POMK: variants seen among roughly 807,000 people sequenced by gnomAD.
POMK encodes the protein protein O-mannose kinase.
Under a neutral mutation model 23.0 loss-of-function variants are expected in POMK, and 19 were observed. The observed-to-expected ratio is 0.83, with a 90% CI of 0.58 to 1.21. The LOEUF is 1.21. Among genes scored for constraint, POMK ranks in the 50% most tolerant of loss-of-function variants. The pLI, the probability that POMK is intolerant of heterozygous loss-of-function variation, is 0.00. For missense variants in POMK, 410 were observed against 431.3 expected (o/e 0.95, Z 0.44); for synonymous variants, 173 against 171.6 (o/e 1.01, Z -0.06).
At chr8:43,108,590 G>A (rs1811589964) in intron 4 of POMK, among the ~76,000 whole-genome samples, 2 of 152,036 alleles carry the variant, frequency 1.3e-5, no homozygotes, top group South Asian at 4.2e-4. Context: ...TAAACAAAAA[G>A]GTTACTTCAG....
intron 4 of POMK, among the ~76,000 whole-genome samples, chr8:43,116,477 C>T (rs1053100225): frequency 3.9e-5 from 6 of 152,026 alleles, no homozygotes; most frequent in Non-Finnish European, 7.4e-5. Context: ...TTATGTTGCC[C>T]AGGCCGGTCT....
At chr8:43,109,762 C>G (rs1027028614) in intron 4 of POMK, among the ~76,000 whole-genome samples, 2 of 151,720 alleles carry the variant, frequency 1.3e-5, no homozygotes, top group Non-Finnish European at 2.9e-5. Flanking sequence ...AGGCTGGTCT[C>G]GAACTCTTGA....
intron 4 of POMK, among the ~76,000 whole-genome samples, chr8:43,113,023 A>C (rs1207945775): frequency 6.6e-6 from 1 of 152,206 alleles, no homozygotes; most frequent in Admixed American, 6.5e-5. Flanking sequence ...GAAAATAACC[A>C]GCTAACATCA....
intron 1 of POMK, among the ~76,000 whole-genome samples, chr8:43,094,331 C>A (rs1031624269): frequency 1.3e-5 from 2 of 152,162 alleles, no homozygotes; most frequent in Non-Finnish European, 2.9e-5. Flanking sequence ...GCTACTGGGT[C>A]CGGCAGAGGC....
At position 43,122,900 on chromosome 8, in the gene POMK, T is replaced by A; in HGVS notation, c.*23T>A. On this transcript the variant is annotated 3_prime_UTR_variant, in exon 5 of 5. Transcript: ENST00000331373. ...TGAAAACCAGTCCAGCCAATGAAGGTGGGATTGAAGGGCTGAATGGAAGTT... is the reference window on the plus strand; with the variant it reads ...TGAAAACCAGTCCAGCCAATGAAGGAGGGATTGAAGGGCTGAATGGAAGTT... 1.3e-6 allele frequency: 2 copies of A among 1,580,438 alleles called. No homozygotes were observed. Among genetic ancestry groups the A allele is most frequent in the East Asian group, 4.5e-5 (2 of 44,592 alleles).
intron 4 of POMK, among the ~76,000 whole-genome samples, chr8:43,113,493 A>G (rs1460383490): frequency 3.9e-5 from 6 of 152,174 alleles, no homozygotes; most frequent in African/African-American, 7.2e-5. Context: ...TGTATTGGTT[A>G]TTCTAGTTAT....
At chr8:43,114,596 G>A (rs576353001) in intron 4 of POMK, among the ~76,000 whole-genome samples, 57 of 152,328 alleles carry the variant, frequency 3.7e-4, no homozygotes, top group Middle Eastern at 3.4e-3. Context: ...GCTTCGGCTC[G>A]TGCACGGTGC....
rs186368784 is a variant in POMK at position 43,118,451 on chromosome 8, G to C, written c.283-3656G>C. Among the ~76,000 whole-genome samples the C allele has an allele frequency of 1.6e-4, 24 of 152,278 alleles. 1 individual carries two copies. Among genetic ancestry groups the C allele is most frequent in the Admixed American group, 1.6e-3 (24 of 15,298 alleles). On this transcript the variant is annotated intron_variant, in intron 4 of 4. Transcript: ENST00000331373. ...CCTTTGGGTCGGGAAGTAAAACTGG[G>C]GGCAGGGAGACATCCTGCCTATCCT...
rs1002962986 is a variant in POMK, at chr8:43,113,476, A to C, written c.283-8631A>C. Among the ~76,000 whole-genome samples the C allele has an allele frequency of 9.2e-5, 14 of 152,254 alleles. No homozygotes were observed. In the East Asian group the frequency reaches 2.5e-3, roughly 27 times the overall value. Reference sequence around the variant, plus strand: ...TTCAGCTCCATCAGCTCCTTTAAGCACTTCTCTGTATTGGTTATTCTAGTT... The same window carrying C: ...TTCAGCTCCATCAGCTCCTTTAAGCCCTTCTCTGTATTGGTTATTCTAGTT... On this transcript the variant is annotated intron_variant, in intron 4 of 4. Coordinates refer to ENST00000331373, the MANE Select transcript of POMK (RefSeq NM_032237.5).
chr8:43,099,188 C>T (rs1811391022), intron 2 of POMK, among the ~76,000 whole-genome samples: 1 of 152,318 alleles, frequency 6.6e-6, no homozygotes, highest in African/African-American at 2.4e-5. Flanking sequence ...TAGGCTCAAG[C>T]GATCCTCCCA....
chr8:43,123,016 A>ATGTAG lies in POMK; in HGVS notation c.*140_*141insGTAGT. On this transcript the variant is annotated 3_prime_UTR_variant, in exon 5 of 5. Transcript: ENST00000331373. ...CTTAGCCATGTGGTTCGTTGTCCACATCCACATGTACGTTTGTATGTAGTC... is the reference window on the plus strand; with the variant it reads ...CTTAGCCATGTGGTTCGTTGTCCACATGTAGTCCACATGTACGTTTGTATGTAGTC... 1 of 712,290 alleles carries ATGTAG rather than the reference A, an allele frequency of 1.4e-6. No homozygotes were observed. Among genetic ancestry groups the ATGTAG allele is most frequent in the Non-Finnish European group, 2.3e-6 (1 of 434,424 alleles). 44.1% of individuals were successfully genotyped at this position (712,290 alleles called of 1,614,324 possible). A position where few individuals can be genotyped will look rare whatever the true frequency, so the allele number is the denominator to read the frequency against.
intron 2 of POMK, among the ~76,000 whole-genome samples, chr8:43,101,269 T>A (rs1811434957): frequency 1.3e-5 from 2 of 151,136 alleles, no homozygotes; most frequent in Admixed American, 1.3e-4. Flanking sequence ...CAAAAAAAAA[T>A]ACAAAAATTA....
chr8:43,119,889 C>T (rs935974636), intron 4 of POMK, among the ~76,000 whole-genome samples: 8 of 150,778 alleles, frequency 5.3e-5, no homozygotes, highest in African/African-American at 1.5e-4. Flanking sequence ...CAGAAAAGAT[C>T]TTCATGGTCC....
intron 3 of POMK, 136 bp from the exon 4 acceptor site, chr8:43,103,392 G>C: frequency 1.3e-6 from 1 of 773,860 alleles, no homozygotes. Context: ...CCTGGTGTTC[G>C]ATACCTGCTT....
intron 4 of POMK, among the ~76,000 whole-genome samples, chr8:43,112,557 C>T (rs545774837): frequency 6.6e-6 from 1 of 152,202 alleles, no homozygotes; most frequent in South Asian, 2.1e-4. Context: ...TCAGGAAATA[C>T]AGAGAACGCC....
intron 4 of POMK, among the ~76,000 whole-genome samples, chr8:43,109,452 T>G (rs922673863): frequency 6.6e-6 from 1 of 152,234 alleles, no homozygotes; most frequent in African/African-American, 2.4e-5. Flanking sequence ...ATGTTTCCAT[T>G]AGTGTATTTT....
chr8:43,118,798 C>G (rs1390437219), intron 4 of POMK, among the ~76,000 whole-genome samples: 2 of 151,896 alleles, frequency 1.3e-5, no homozygotes, highest in Non-Finnish European at 2.9e-5. Context: ...GCCTCCCCAA[C>G]TTACTGTTTT....
At position 43,123,051 on chromosome 8, in the gene POMK, T is replaced by G. The variant is rs1811956795; in HGVS notation, c.*174T>G. The stretch of plus-strand genomic sequence containing the variant: ...ACGTTTGTATGTAGTCCACATTGGT[T>G]GTTAGATTTTTTTTTTTTTCTTTGA... On this transcript the variant is annotated 3_prime_UTR_variant, in exon 5 of 5. Coordinates refer to ENST00000331373, the MANE Select transcript of POMK (RefSeq NM_032237.5). 8.2e-6 allele frequency: 5 copies of G among 608,286 alleles called. No homozygotes were observed. The highest frequency in any genetic ancestry group is 8.5e-6 in the Non-Finnish European group (3 of 352,802). 37.7% of individuals were successfully genotyped at this position (608,286 alleles called of 1,614,324 possible). A position where few individuals can be genotyped will look rare whatever the true frequency, so the allele number is the denominator to read the frequency against.
At chr8:43,113,118 T>C (rs1811714826) in intron 4 of POMK, among the ~76,000 whole-genome samples, 2 of 152,236 alleles carry the variant, frequency 1.3e-5, no homozygotes, top group African/African-American at 4.8e-5. Context: ...GGAGTATCTT[T>C]GTGGCATTTT....
Sources: gnomAD v4.1 joint callset for allele counts (sites outside exome capture counted in the v4.1 genomes callset) on GRCh38, gnomAD v4.1.1 for gene constraint, MANE v1.5 for transcripts, NCBI Gene and HGNC (gene_info 2026-07-23, HGNC 2026-07-21) for gene names.